RPSA2: variants seen among roughly 807,000 people sequenced by gnomAD.
The protein encoded by RPSA2 is ribosomal protein SA 2.
chr19:23,778,726 G>C, the RPSA2 span, among the ~76,000 whole-genome samples: 64,277 of 152,002 alleles, frequency 0.42, 14,455 homozygotes, highest in Non-Finnish European at 0.52. Flanking sequence ...CCATCACCTG[G>C]ATGATGTGAC....
the RPSA2 span, among the ~76,000 whole-genome samples, chr19:23,781,273 C>T: frequency 6.6e-6 from 1 of 151,334 alleles, no homozygotes; most frequent in African/African-American, 2.4e-5. Flanking sequence ...TGCGTGGCCT[C>T]GGGTTAGTGA....
At chr19:23,792,597 T>TC in the RPSA2 span, among the ~76,000 whole-genome samples, 1 of 151,204 alleles carries the variant, frequency 6.6e-6, no homozygotes, top group Non-Finnish European at 1.5e-5. Flanking sequence ...TTTTGTTTTT[T>TC]TTTTTGTGAC....
At chr19:23,824,659 C>T in the RPSA2 span, among the ~76,000 whole-genome samples, 1 of 125,160 alleles carries the variant, frequency 8.0e-6, no homozygotes, top group Non-Finnish European at 1.6e-5. Flanking sequence ...CCTTGACCTC[C>T]TAAAACTAAG....
chr19:23,832,395 T>G, the RPSA2 span: 1 of 504,804 alleles, frequency 2.0e-6, no homozygotes, highest in African/African-American at 2.0e-5. Context: ...CCTACAAATG[T>G]GAAGAATGTG....
the RPSA2 span, among the ~76,000 whole-genome samples, chr19:23,796,747 A>G: frequency 6.6e-6 from 1 of 152,046 alleles, no homozygotes; most frequent in Non-Finnish European, 1.5e-5. Context: ...AGAGGTATTA[A>G]TAGTAGACTT....
chr19:23,774,114 C>T, the RPSA2 span, among the ~76,000 whole-genome samples: 2 of 152,148 alleles, frequency 1.3e-5, no homozygotes, highest in East Asian at 1.9e-4. Flanking sequence ...TGTGACATAT[C>T]GCTGGGCCTT....
At chr19:23,808,731 C>T in the RPSA2 span, 1 of 765,936 alleles carries the variant, frequency 1.3e-6, no homozygotes, top group Non-Finnish European at 2.1e-6. Flanking sequence ...ATTACTGTCT[C>T]TAAGCCAGAC....
chr19:23,842,199 C>T, the RPSA2 span, among the ~76,000 whole-genome samples: 4 of 152,190 alleles, frequency 2.6e-5, no homozygotes, highest in Non-Finnish European at 2.9e-5. Flanking sequence ...TGAGAGGTAT[C>T]TCCTAAGTTA....
At chr19:23,782,491 C>G in the RPSA2 span, 1 of 152,092 alleles carries the variant, frequency 6.6e-6, no homozygotes, top group African/African-American at 2.4e-5. Flanking sequence ...TCCTATAGAC[C>G]AAGCTCAGGT....
chr19:23,762,428 C>T, the RPSA2 span, among the ~76,000 whole-genome samples: 2 of 151,900 alleles, frequency 1.3e-5, no homozygotes, highest in Admixed American at 1.3e-4. Context: ...GTAATCCCAG[C>T]ACTTTGGGAG....
chr19:23,825,414 A>G, the RPSA2 span, among the ~76,000 whole-genome samples: 1 of 152,202 alleles, frequency 6.6e-6, no homozygotes, highest in African/African-American at 2.4e-5. Context: ...GGCAGTGTGG[A>G]AGAAAGTCAA....
At chr19:23,854,802 C>T in the RPSA2 span, among the ~76,000 whole-genome samples, 2 of 152,134 alleles carry the variant, frequency 1.3e-5, no homozygotes, top group East Asian at 1.9e-4. Context: ...GTGGCCCATG[C>T]CCACAGAATA....
chr19:23,851,626 T>C, the RPSA2 span, among the ~76,000 whole-genome samples: 1 of 152,216 alleles, frequency 6.6e-6, no homozygotes, highest in Non-Finnish European at 1.5e-5. Context: ...GGGGAAACCC[T>C]GTAAGGCAGT....
the RPSA2 span, among the ~76,000 whole-genome samples, chr19:23,816,992 A>G: frequency 2.1e-5 from 3 of 146,192 alleles, no homozygotes; most frequent in Non-Finnish European, 4.5e-5. Context: ...AATGGAGTTT[A>G]CATTAAATAT....
the RPSA2 span, among the ~76,000 whole-genome samples, chr19:23,797,208 C>T: frequency 6.6e-6 from 1 of 152,120 alleles, no homozygotes; most frequent in East Asian, 1.9e-4. Context: ...CTTCCAGGTT[C>T]AAGCGACTCT....
chr19:23,790,409 G>T, the RPSA2 span, among the ~76,000 whole-genome samples: 2 of 152,090 alleles, frequency 1.3e-5, no homozygotes, highest in African/African-American at 4.8e-5. Context: ...CCATGTTCTG[G>T]GGTGGGCCTG....
chr19:23,814,927 C>T, the RPSA2 span, among the ~76,000 whole-genome samples: 2 of 152,124 alleles, frequency 1.3e-5, no homozygotes, highest in Non-Finnish European at 2.9e-5. Flanking sequence ...CTCACTGCAG[C>T]CTCAACCTAC....
chr19:23,761,886 A>C, the RPSA2 span, among the ~76,000 whole-genome samples: 662 of 52,296 alleles, frequency 0.013, 14 homozygotes, highest in Non-Finnish European at 0.023. Context: ...AAGATGAACA[A>C]ATTTGGGTAA....
chr19:23,853,096 G>T, the RPSA2 span, among the ~76,000 whole-genome samples: 4 of 152,210 alleles, frequency 2.6e-5, no homozygotes, highest in African/African-American at 9.6e-5. Context: ...AGATGGTAGG[G>T]CTATTCAGCA....
Sources: gnomAD v4.1 joint callset for allele counts (sites outside exome capture counted in the v4.1 genomes callset) on GRCh38, gnomAD v4.1.1 for gene constraint, MANE v1.5 for transcripts, NCBI Gene and HGNC (gene_info 2026-07-23, HGNC 2026-07-21) for gene names.